The following CACUL1 variants were observed in gnomAD, a reference collection of about 807,000 sequenced individuals.
The protein encoded by CACUL1 is CDK2-associated and cullin domain-containing protein 1.
A neutral mutation model predicts 45.2 loss-of-function variants in CACUL1; 13 were observed. That is an observed-to-expected ratio of 0.29 (90% CI 0.19 to 0.46). The LOEUF (loss-of-function observed/expected upper bound fraction) is 0.46. CACUL1 is among the 20% of genes least tolerant of loss of function. The probability of loss-of-function intolerance (pLI) is 1.00; values close to 1 mark genes in which losing one functional copy is unlikely to be tolerated. For missense variants in CACUL1, 421 were observed against 471.4 expected, an observed-to-expected ratio of 0.89 and a Z score of 0.99; for synonymous variants, 197 against 174.2, an observed-to-expected ratio of 1.13 and a Z score of -1.03.
chr10:118,691,508 CA>C, intron 6 of CACUL1, 105 bp from the exon 7 acceptor site: 3 of 1,032,242 alleles, frequency 2.9e-6, no homozygotes, highest in South Asian at 1.4e-5. Flanking sequence ...CAAATTTAAG[CA>C]GGGGAAAAAA....
intron 1 of CACUL1, among the ~76,000 whole-genome samples, chr10:118,731,249 G>A (rs1446518151): frequency 6.6e-6 from 1 of 152,154 alleles, no homozygotes; most frequent in African/African-American, 2.4e-5. Flanking sequence ...TAACAACAAC[G>A]AGACCAGGTA....
chr10:118,695,327 A>G (rs1845312375), intron 5 of CACUL1, 97 bp from the exon 6 acceptor site: 2 of 734,194 alleles, frequency 2.7e-6, no homozygotes, highest in African/African-American at 3.5e-5. Context: ...AACATAAACA[A>G]TTGTAAGAAA....
chr10:118,753,791 C>G (rs968577324), intron 1 of CACUL1, among the ~76,000 whole-genome samples: 25 of 152,202 alleles, frequency 1.6e-4, no homozygotes, highest in African/African-American at 5.8e-4. Flanking sequence ...GCATTATTAG[C>G]TTCAAGACGA....
intron 5 of CACUL1, among the ~76,000 whole-genome samples, chr10:118,700,242 A>G (rs1475142319): frequency 6.6e-6 from 1 of 152,210 alleles, no homozygotes; most frequent in Non-Finnish European, 1.5e-5. Context: ...GCCAACCCAA[A>G]TATGTGCCAC....
chr10:118,735,180 C>G (rs1330980472), intron 1 of CACUL1, among the ~76,000 whole-genome samples: 1 of 152,186 alleles, frequency 6.6e-6, no homozygotes, highest in Admixed American at 6.5e-5. Flanking sequence ...GAAAGATATA[C>G]TACTTATTAG....
intron 3 of CACUL1, among the ~76,000 whole-genome samples, chr10:118,710,208 G>C (rs10886290): frequency 6.0e-4 from 91 of 151,828 alleles, no homozygotes; most frequent in African/African-American, 2.1e-3. Flanking sequence ...TTACAGGTGT[G>C]AGCCACCACA....
intron 1 of CACUL1, 120 bp downstream of exon 1, chr10:118,754,276 G>C (rs923091381): frequency 3.6e-6 from 5 of 1,376,860 alleles, no homozygotes; most frequent in Non-Finnish European, 3.8e-6. Flanking sequence ...AGGCGGACGG[G>C]GAGAAGAGGA....
intron 5 of CACUL1, among the ~76,000 whole-genome samples, chr10:118,699,123 A>G (rs11819341): frequency 0.18 from 27,084 of 152,154 alleles, 3,075 homozygotes; most frequent in African/African-American, 0.3. Context: ...CAAGCAGTGC[A>G]TGTGTGTTTA....
At chr10:118,691,654 T>C in intron 6 of CACUL1, 1 of 336,196 alleles carries the variant, frequency 3.0e-6, no homozygotes. Context: ...GATCACGAGG[T>C]CAGGAGATCG....
chr10:118,692,903 G>A (rs1845286160), intron 6 of CACUL1: 2 of 152,176 alleles, frequency 1.3e-5, no homozygotes, highest in East Asian at 3.8e-4. Context: ...ATTCAGTCAC[G>A]CCTTGGGAGA....
rs1845108491 is a variant in CACUL1 at position 118,677,388 on chromosome 10, AAT to A, written c.*8738_*8739del. 6.6e-6 allele frequency: 1 copy of A among 152,118 alleles called. No homozygotes were observed. Among genetic ancestry groups the A allele is most frequent in the South Asian group, 2.1e-4 (1 of 4,828 alleles). 9.4% of individuals were successfully genotyped at this position (152,118 alleles called of 1,614,324 possible). A position where few individuals can be genotyped will look rare whatever the true frequency, so the allele number is the denominator to read the frequency against. ...GGTTATCTGAATTGGCTTTACACTG[AAT>A]ATACATTAACTCAGAGAACTGGCAT... On this transcript the variant is annotated 3_prime_UTR_variant, in exon 9 of 9. Transcript: ENST00000369151.
chr10:118,742,223 ACTTTAT>A (rs1192595883), intron 1 of CACUL1, among the ~76,000 whole-genome samples: 5 of 152,208 alleles, frequency 3.3e-5, no homozygotes. Flanking sequence ...CATCTATCCA[ACTTTAT>A]CTTTAGAGGT....
At chr10:118,739,805 C>T (rs1453789805) in intron 1 of CACUL1, among the ~76,000 whole-genome samples, 2 of 152,188 alleles carry the variant, frequency 1.3e-5, no homozygotes, top group Admixed American at 1.3e-4. Flanking sequence ...TCAAAAACAC[C>T]AGTGACAGGT....
intron 2 of CACUL1, among the ~76,000 whole-genome samples, chr10:118,729,909 G>A (rs1045320997): frequency 1.3e-5 from 2 of 152,092 alleles, no homozygotes; most frequent in African/African-American, 4.8e-5. Context: ...CCATTAACAG[G>A]AGCTGAGAAA....
At chr10:118,746,301 G>A (rs780344584) in intron 1 of CACUL1, among the ~76,000 whole-genome samples, 7 of 152,072 alleles carry the variant, frequency 4.6e-5, no homozygotes, top group Admixed American at 2.0e-4. Flanking sequence ...TAGAACTGAC[G>A]CCCACACATA....
chr10:118,692,567 G>A (rs896497256), intron 6 of CACUL1: 2 of 152,152 alleles, frequency 1.3e-5, no homozygotes, highest in Non-Finnish European at 2.9e-5. Context: ...AGGGCATGGG[G>A]AAACCAGTAT....
At chr10:118,745,904 C>T (rs890662767) in intron 1 of CACUL1, among the ~76,000 whole-genome samples, 9 of 150,930 alleles carry the variant, frequency 6.0e-5, no homozygotes, top group Non-Finnish European at 7.4e-5. Context: ...TTTGGGAAGC[C>T]GAGGTGGGTG....
At chr10:118,738,111 G>T (rs1228914735) in intron 1 of CACUL1, among the ~76,000 whole-genome samples, 1 of 152,216 alleles carries the variant, frequency 6.6e-6, no homozygotes. Context: ...TGAAGCAGGT[G>T]CTGAGGTGGA....
chr10:118,693,819 T>G, intron 6 of CACUL1: 4 of 442,872 alleles, frequency 9.0e-6, no homozygotes, highest in South Asian at 4.8e-5. Flanking sequence ...ACAAGTAATT[T>G]CTGTTAAAAG....
Sources: gnomAD v4.1 joint callset for allele counts (sites outside exome capture counted in the v4.1 genomes callset) on GRCh38, gnomAD v4.1.1 for gene constraint, MANE v1.5 for transcripts, NCBI Gene and HGNC (gene_info 2026-07-23, HGNC 2026-07-21) for gene names.